CNTNAP2: variants seen among roughly 807,000 people sequenced by gnomAD.
CNTNAP2 encodes contactin-associated protein-like 2.
CNTNAP2 carries 98 observed loss-of-function variants against 155.2 expected under a neutral mutation model. That is an observed-to-expected ratio of 0.63 (90% CI 0.54 to 0.75). The LOEUF is 0.75. Among genes scored for constraint, CNTNAP2 ranks in the 30% least tolerant of loss-of-function variants. The probability of loss-of-function intolerance (pLI) is 0.00; values close to 1 mark genes in which losing one functional copy is unlikely to be tolerated. For missense variants in CNTNAP2, 1,727 were observed against 1,688.1 expected, an observed-to-expected ratio of 1.02 and a Z score of -0.40; for synonymous variants, 651 against 631.2, an observed-to-expected ratio of 1.03 and a Z score of -0.47.
At chr7:147,234,780 G>A (rs769293694) in intron 8 of CNTNAP2, among the ~76,000 whole-genome samples, 10 of 152,150 alleles carry the variant, frequency 6.6e-5, no homozygotes, top group Non-Finnish European at 1.3e-4. Flanking sequence ...GAGGCCGTTT[G>A]TTTTGCAGAC....
intron 9 of CNTNAP2, among the ~76,000 whole-genome samples, chr7:147,300,677 G>A (rs1037914295): frequency 1.3e-5 from 2 of 152,104 alleles, no homozygotes; most frequent in African/African-American, 4.8e-5. Context: ...TCTGGATCAG[G>A]AATTCAGTAG....
chr7:147,582,128 C>A (rs1424765998), intron 12 of CNTNAP2, among the ~76,000 whole-genome samples: 2 of 152,056 alleles, frequency 1.3e-5, no homozygotes, highest in African/African-American at 4.8e-5. Flanking sequence ...TAATTGACAG[C>A]CAACTCTAAT....
intron 1 of CNTNAP2, among the ~76,000 whole-genome samples, chr7:146,762,319 G>C (rs1006604929): frequency 6.6e-6 from 1 of 152,022 alleles, no homozygotes; most frequent in Admixed American, 6.6e-5. Flanking sequence ...AAGAATCCCT[G>C]GCCAGGTGTG....
At chr7:147,428,799 G>GT (rs1479789763) in intron 10 of CNTNAP2, among the ~76,000 whole-genome samples, 1 of 152,070 alleles carries the variant, frequency 6.6e-6, no homozygotes, top group Non-Finnish European at 1.5e-5. Flanking sequence ...TATTTCAGTA[G>GT]TTTTTTGGGA....
At chr7:146,415,985 GT>G (rs1795932862) in intron 1 of CNTNAP2, among the ~76,000 whole-genome samples, 1 of 151,846 alleles carries the variant, frequency 6.6e-6, no homozygotes, top group South Asian at 2.1e-4. Context: ...TTTTGTGATA[GT>G]TTATAAATTA....
At chr7:146,705,000 T>C (rs772826355) in intron 1 of CNTNAP2, among the ~76,000 whole-genome samples, 1 of 152,148 alleles carries the variant, frequency 6.6e-6, no homozygotes, top group Admixed American at 6.6e-5. Context: ...ATGATGACAG[T>C]GTCTCTCAGC....
intron 3 of CNTNAP2, among the ~76,000 whole-genome samples, chr7:147,038,696 T>C (rs1011661296): frequency 6.6e-6 from 1 of 152,200 alleles, no homozygotes; most frequent in Non-Finnish European, 1.5e-5. Flanking sequence ...AAACCTCTCC[T>C]CCCTGAACAA....
At chr7:146,213,365 C>T (rs538384322) in intron 1 of CNTNAP2, among the ~76,000 whole-genome samples, 16 of 152,210 alleles carry the variant, frequency 1.1e-4, no homozygotes, top group East Asian at 7.7e-4. Flanking sequence ...AGTTAAATAT[C>T]ATGGAAACAT....
chr7:147,634,675 A>C (rs1232689231), intron 12 of CNTNAP2, among the ~76,000 whole-genome samples: 1 of 152,244 alleles, frequency 6.6e-6, no homozygotes, highest in African/African-American at 2.4e-5. Context: ...ATTTTATAAA[A>C]TAGATACATA....
intron 13 of CNTNAP2, among the ~76,000 whole-genome samples, chr7:147,825,321 T>C (rs1264016147): frequency 2.0e-5 from 3 of 152,198 alleles, no homozygotes; most frequent in Non-Finnish European, 4.4e-5. Flanking sequence ...TAATGGAGTA[T>C]TGACCCAGCA....
At chr7:147,955,388 T>TA (rs960992692) in intron 14 of CNTNAP2, among the ~76,000 whole-genome samples, 2 of 152,132 alleles carry the variant, frequency 1.3e-5, no homozygotes, top group Admixed American at 1.3e-4. Flanking sequence ...TTTTATTTTT[T>TA]AAAAAAACTA....
rs141139572 is a variant in CNTNAP2 at position 146,366,603 on chromosome 7, G to C, written c.97+249630G>C. 1.7e-3 allele frequency among the ~76,000 whole-genome samples: 261 copies of C among 152,232 alleles called. 2 individuals are homozygous for C. The highest frequency in any genetic ancestry group is 6.0e-3 in the African/African-American group (251 of 41,558). On this transcript the variant is annotated intron_variant, in intron 1 of 23. Coordinates refer to ENST00000361727, the MANE Select transcript of CNTNAP2 (RefSeq NM_014141.6). ...AGACCAAAGGGATTTAGGATATGTG[G>C]TCAAAGTTGTTCTTTGATGTGTGTT...
At chr7:148,243,043 G>A (rs1796188716) in intron 20 of CNTNAP2, among the ~76,000 whole-genome samples, 2 of 152,116 alleles carry the variant, frequency 1.3e-5, no homozygotes, top group Non-Finnish European at 2.9e-5. Flanking sequence ...GATGAAGAAA[G>A]GACATCCAAA....
intron 1 of CNTNAP2, among the ~76,000 whole-genome samples, chr7:146,289,214 C>T (rs944004697): frequency 6.6e-6 from 1 of 152,098 alleles, no homozygotes; most frequent in Non-Finnish European, 1.5e-5. Flanking sequence ...TGCATAGTTT[C>T]TCTCCTCTCC....
At chr7:147,965,707 T>C (rs775735899) in intron 14 of CNTNAP2, among the ~76,000 whole-genome samples, 4 of 152,258 alleles carry the variant, frequency 2.6e-5, no homozygotes, top group East Asian at 3.9e-4. Flanking sequence ...TCAACTTCTT[T>C]GGTTCATTCT....
chr7:146,861,188 G>A (rs1194893194), intron 3 of CNTNAP2, among the ~76,000 whole-genome samples: 1 of 152,102 alleles, frequency 6.6e-6, no homozygotes, highest in African/African-American at 2.4e-5. Context: ...AGCCTCCTGA[G>A]TGGCTGAGAT....
chr7:147,787,723 A>G (rs1797760621), intron 13 of CNTNAP2, among the ~76,000 whole-genome samples: 1 of 152,214 alleles, frequency 6.6e-6, no homozygotes, highest in Admixed American at 6.5e-5. Flanking sequence ...ACATCTCATT[A>G]GTAAGACTTT....
At chr7:148,036,266 G>T (rs1234722173) in intron 15 of CNTNAP2, among the ~76,000 whole-genome samples, 8 of 152,096 alleles carry the variant, frequency 5.3e-5, no homozygotes, top group Non-Finnish European at 1.2e-4. Context: ...ACATGAATTT[G>T]GTGGACCAGG....
At chr7:146,890,022 A>G (rs1346887179) in intron 3 of CNTNAP2, among the ~76,000 whole-genome samples, 1 of 152,118 alleles carries the variant, frequency 6.6e-6, no homozygotes, top group East Asian at 1.9e-4. Context: ...CAGAAAGCCA[A>G]ATCACATTAT....
Sources: allele counts gnomAD v4.1 joint callset (sites outside exome capture counted in the v4.1 genomes callset), GRCh38; gene constraint gnomAD v4.1.1; transcripts MANE v1.5; gene names NCBI Gene and HGNC (gene_info 2026-07-23, HGNC 2026-07-21).